ANGPTL2: variants seen among roughly 807,000 people sequenced by gnomAD.
ANGPTL2 encodes the protein angiopoietin like 2, also known as angiopoietin-related protein 2.
In ANGPTL2, 25 loss-of-function variants were observed where a neutral mutation model predicts 52.8. The observed-to-expected ratio is 0.47, with a 90% CI of 0.35 to 0.66. The LOEUF (loss-of-function observed/expected upper bound fraction) is 0.66, where lower values mean the gene tolerates loss of function less well. Among genes scored for constraint, ANGPTL2 ranks in the 30% least tolerant of loss-of-function variants. The pLI, the probability that ANGPTL2 is intolerant of heterozygous loss-of-function variation, is 0.01. For synonymous variants in ANGPTL2, 276 were observed against 277.4 expected (o/e 1.00, Z 0.05); for missense variants, 546 against 656.9 (o/e 0.83, Z 1.84).
chr9:127,115,975 C>T (rs913559741), intron 1 of ANGPTL2, among the ~76,000 whole-genome samples: 2 of 152,230 alleles, frequency 1.3e-5, no homozygotes, highest in African/African-American at 2.4e-5. Context: ...AATGATTCCC[C>T]ACCAGAAGGC....
intron 2 of ANGPTL2, among the ~76,000 whole-genome samples, chr9:127,101,057 A>G (rs2053671654): frequency 1.3e-5 from 2 of 152,342 alleles, no homozygotes; most frequent in Middle Eastern, 3.4e-3. Context: ...AGAGCACCAC[A>G]AGGCCCTTAC....
At chr9:127,094,455 A>G (rs535915100) in intron 2 of ANGPTL2, among the ~76,000 whole-genome samples, 1 of 152,312 alleles carries the variant, frequency 6.6e-6, no homozygotes, top group South Asian at 2.1e-4. Flanking sequence ...GCACCCTTCA[A>G]TTCTGACTCC....
intron 2 of ANGPTL2, among the ~76,000 whole-genome samples, chr9:127,094,176 T>C (rs1237342505): frequency 2.6e-5 from 4 of 152,200 alleles, no homozygotes; most frequent in Non-Finnish European, 4.4e-5. Context: ...GTTTGACTTT[T>C]GGCAGACTTC....
intron 2 of ANGPTL2, among the ~76,000 whole-genome samples, chr9:127,095,562 G>A (rs548341702): frequency 1.8e-4 from 28 of 152,222 alleles, no homozygotes; most frequent in Non-Finnish European, 3.4e-4. Context: ...CGGAAGCTCA[G>A]GGCAGGGTGG....
chr9:127,093,443 A>T (rs141290453), intron 3 of ANGPTL2, among the ~76,000 whole-genome samples: 3 of 151,634 alleles, frequency 2.0e-5, no homozygotes, highest in Non-Finnish European at 2.9e-5. Context: ...GCGTTTCTAA[A>T]CTCTCACCCT....
intron 1 of ANGPTL2, among the ~76,000 whole-genome samples, chr9:127,118,864 A>G (rs1424697691): frequency 1.3e-5 from 2 of 151,920 alleles, no homozygotes; most frequent in African/African-American, 4.8e-5. Context: ...GCTGTCTGTT[A>G]TGTTTGTTCT....
intron 4 of ANGPTL2, 137 bp from the exon 5 acceptor site, chr9:127,089,275 T>C: frequency 1.2e-6 from 1 of 869,210 alleles, no homozygotes; most frequent in Non-Finnish European, 1.8e-6. Context: ...CCCGTCTCCA[T>C]GGGTGGTGAG....
rs2054432950 is a variant in ANGPTL2 at position 127,108,249 on chromosome 9, C to G, written c.483G>C (p.Arg161Ser). ...NALELSQLEN[R>S]ILNQTADMLQ... The stretch of plus-strand genomic sequence containing the variant: ...GCATGTCGGCTGTCTGGTTCAGGAT[C>G]CTGTTCTCCAGCTGGGAGAGCTCCA... Residue 161 changes from arginine (R) to serine (S), a missense_variant, in exon 2 of 5, where the codon AGG becomes AGC. Physicochemically the swap from Arg to Ser is moderately radical, Grantham distance 110. Coordinates refer to ENST00000373425, the MANE Select transcript of ANGPTL2 (RefSeq NM_012098.3). 6.2e-7 allele frequency: 1 copy of G among 1,614,028 alleles called. No homozygotes were observed. The highest frequency in any genetic ancestry group is 2.2e-5 in the East Asian group (1 of 44,856).
Position 127,117,016 on chromosome 9 carries a change from GCTGT to G in ANGPTL2, c.-50+5295_-50+5298del, listed in dbSNP as rs571406848. ...AGTCTACACTGCATGCAGCTCCAGG[GCTGT>G]CTGTCTGACACCCACATCTGATCAT... On this transcript the variant is annotated intron_variant, in intron 1 of 4. Coordinates refer to ENST00000373425, the MANE Select transcript of ANGPTL2 (RefSeq NM_012098.3). Among the ~76,000 whole-genome samples the G allele has an allele frequency of 2.7e-3, 413 of 152,252 alleles. 1 individual carries two copies. The highest frequency in any genetic ancestry group is 4.3e-3 in the Non-Finnish European group (293 of 68,004).
chr9:127,114,156 G>A (rs575809156), intron 1 of ANGPTL2, among the ~76,000 whole-genome samples: 2 of 152,288 alleles, frequency 1.3e-5, no homozygotes, highest in South Asian at 4.1e-4. Context: ...CGCCATGCAT[G>A]GTGGCCCCAC....
intron 3 of ANGPTL2, among the ~76,000 whole-genome samples, chr9:127,093,480 C>G (rs911164245): frequency 1.3e-5 from 2 of 152,212 alleles, no homozygotes; most frequent in Admixed American, 6.5e-5. Context: ...GTGGTCTGGT[C>G]TACTGACTCT....
intron 1 of ANGPTL2, among the ~76,000 whole-genome samples, chr9:127,120,971 TG>T (rs749920260): frequency 6.7e-6 from 1 of 149,424 alleles, no homozygotes; most frequent in Non-Finnish European, 1.5e-5. Flanking sequence ...TTCCTAGGCA[TG>T]GGCGCCTAGC....
chr9:127,091,129 C>G lies in ANGPTL2; in HGVS notation c.1282+541G>C, dbSNP rs184232113. ...TGGAGCCCTCGCTATGTGCCAAATC[C>G]TAGACAAAGCACTTTAGGTACATTC... On this transcript the variant is annotated intron_variant, in intron 4 of 4. Transcript: ENST00000373425. This position sits in a 1 kb window ranked among gnomAD's most constrained non-coding sequence, Gnocchi z 4.3. Among the ~76,000 whole-genome samples the G allele has an allele frequency of 6.6e-5, 10 of 152,238 alleles. 1 individual carries two copies. The highest frequency in any genetic ancestry group is 2.9e-5 in the Non-Finnish European group (2 of 68,030).
chr9:127,112,043 G>GGC (rs1187169904), intron 1 of ANGPTL2, among the ~76,000 whole-genome samples: 1 of 152,192 alleles, frequency 6.6e-6, no homozygotes, highest in East Asian at 1.9e-4. Flanking sequence ...CTCCACCTTG[G>GGC]ACCAGCCAGT....
chr9:127,089,072 C>A lies in ANGPTL2; in HGVS notation c.1349G>T (p.Gly450Val). The change falls in exon 5 of 5, where the codon GGG becomes GTG. Residue 450 changes from glycine to valine, a missense_variant. Physicochemically the swap from Gly to Val is moderately radical, Grantham distance 109. This residue lies in a region of ANGPTL2 where 261 missense variants were observed against 361.0 expected (regional missense o/e 0.72). Transcript: ENST00000373425. The stretch of plus-strand genomic sequence containing the variant: ...GTAATGGCCCCCGCGGTACCAGACC[C>A]CGTTGAGGTTGGAGTGGGCACAGGC... ...YNACAHSNLN[G>V]VWYRGGHYRS... 3 of 1,614,216 alleles carry A rather than the reference C, an allele frequency of 1.9e-6. No individual in the cohort carries two copies. The highest frequency in any genetic ancestry group is 2.5e-6 in the Non-Finnish European group (3 of 1,180,030).
At chr9:127,116,803 A>G (rs1312271439) in intron 1 of ANGPTL2, among the ~76,000 whole-genome samples, 1 of 152,210 alleles carries the variant, frequency 6.6e-6, no homozygotes, top group East Asian at 1.9e-4. Flanking sequence ...TCTTTGAGGC[A>G]GGGGCTATGA....
At chr9:127,098,949 A>G (rs1414926728) in intron 2 of ANGPTL2, among the ~76,000 whole-genome samples, 1 of 152,248 alleles carries the variant, frequency 6.6e-6, no homozygotes, top group Non-Finnish European at 1.5e-5. Flanking sequence ...CTCTCAGTGC[A>G]GTGCCCCTCT....
At chr9:127,095,541 G>A (rs1479385648) in intron 2 of ANGPTL2, among the ~76,000 whole-genome samples, 3 of 152,226 alleles carry the variant, frequency 2.0e-5, no homozygotes, top group Admixed American at 1.3e-4. Flanking sequence ...TGCAGATGCG[G>A]TGCTGGGCAG....
Position 127,108,575 on chromosome 9 carries a change from T to C in ANGPTL2, c.157A>G (p.Lys53Glu). ...RYKRAGESQDKCTYTFIVPQQ... is the reference protein window; with the variant it reads ...RYKRAGESQDECTYTFIVPQQ... ...GGCACAATGAAGGTGTAGGTGCACT[T>C]GTCCTGGGACTCGCCCGCCCGCTTG... Residue 53 changes from lysine to glutamate, a missense_variant, in exon 2 of 5, where the codon AAG becomes GAG. Lys to Glu is a moderately conservative substitution (Grantham distance 56, BLOSUM62 1). Around this residue, in one of 2 missense-constraint regions of ANGPTL2, gnomAD observed 285 missense variants for 295.8 expected, o/e 0.96. Coordinates refer to ENST00000373425, the MANE Select transcript of ANGPTL2 (RefSeq NM_012098.3). 1 of 1,613,508 alleles carries C rather than the reference T, an allele frequency of 6.2e-7. No individual in the cohort carries two copies.
Sources: gnomAD v4.1 joint callset for allele counts (sites outside exome capture counted in the v4.1 genomes callset) on GRCh38, gnomAD v4.1.1 for gene constraint, gnomAD v4.1.1 regional missense constraint, Gnocchi (gnomAD v3.1) non-coding constraint, MANE v1.5 for transcripts, NCBI Gene and HGNC (gene_info 2026-07-23, HGNC 2026-07-21) for gene names.